The following PLEKHM3 variants were observed in gnomAD, a reference collection of about 807,000 sequenced individuals.
The protein encoded by PLEKHM3 is pleckstrin homology domain containing M3, also known as pleckstrin homology domain-containing family M member 3.
In PLEKHM3, 45 loss-of-function variants were observed where a neutral mutation model predicts 81.8. That is an observed-to-expected ratio of 0.55 (90% CI 0.43 to 0.71). PLEKHM3 has a LOEUF of 0.71. Among genes scored for constraint, PLEKHM3 ranks in the 30% least tolerant of loss-of-function variants. The pLI, the probability that PLEKHM3 is intolerant of heterozygous loss-of-function variation, is 0.00. For synonymous variants in PLEKHM3, 352 were observed against 356.4 expected, an observed-to-expected ratio of 0.99 and a Z score of 0.14; for missense variants, 788 against 924.3, an observed-to-expected ratio of 0.85 and a Z score of 1.91.
chr2:207,965,166 T>TATCTTAAAA (rs1200873756), intron 3 of PLEKHM3, among the ~76,000 whole-genome samples: 4 of 152,186 alleles, frequency 2.6e-5, no homozygotes, highest in Non-Finnish European at 5.9e-5. Context: ...TGCCCAAGTT[T>TATCTTAAAA]ATCTTAAAAC....
At chr2:207,859,664 C>T (rs1333694663) in intron 7 of PLEKHM3, among the ~76,000 whole-genome samples, 2 of 151,544 alleles carry the variant, frequency 1.3e-5, no homozygotes, top group African/African-American at 2.4e-5. Context: ...GTGGCGTAAT[C>T]TCAGCTTACT....
In PLEKHM3 at chr2:207,976,535, T is replaced by C; in HGVS notation, c.1546+116A>G. The C allele has an allele frequency of 9.9e-7, 1 of 1,010,684 alleles. No individual in the cohort carries two copies. Among genetic ancestry groups the C allele is most frequent in the Non-Finnish European group, 1.4e-6 (1 of 704,426 alleles). 62.6% of individuals were successfully genotyped at this position (1,010,684 alleles called of 1,614,324 possible). Reference sequence around the variant, plus strand: ...GTAAGCTTCTCGAGGAGAGATACTTTTTATAAACAGGAGATAGCTGTGACT... The same window carrying C: ...GTAAGCTTCTCGAGGAGAGATACTTCTTATAAACAGGAGATAGCTGTGACT... On this transcript the variant is annotated intron_variant, in intron 3 of 7. Transcript: ENST00000427836. The surrounding 1 kb of genome is among the most constrained non-coding windows in gnomAD (Gnocchi z 4.1).
intron 7 of PLEKHM3, among the ~76,000 whole-genome samples, chr2:207,858,951 C>T (rs2092451595): frequency 6.6e-6 from 1 of 151,998 alleles, no homozygotes; most frequent in Non-Finnish European, 1.5e-5. Flanking sequence ...TGAGTAGTAA[C>T]TCCCTTTCCT....
intron 6 of PLEKHM3, among the ~76,000 whole-genome samples, chr2:207,867,161 C>G (rs1238305427): frequency 6.6e-6 from 1 of 152,190 alleles, no homozygotes; most frequent in African/African-American, 2.4e-5. Context: ...CTTAGGTTGT[C>G]TTGTGTCGCA....
chr2:207,858,231 T>C (rs1200451729), intron 7 of PLEKHM3, among the ~76,000 whole-genome samples: 1 of 149,760 alleles, frequency 6.7e-6, no homozygotes, highest in Non-Finnish European at 1.5e-5. Flanking sequence ...TGGAGTGCAG[T>C]GGTGTGATCT....
intron 7 of PLEKHM3, chr2:207,852,943 A>G: frequency 2.6e-6 from 1 of 386,766 alleles, no homozygotes; most frequent in Non-Finnish European, 4.9e-6. Flanking sequence ...CAACATGCAC[A>G]TCACTTCTGT....
chr2:207,849,259 G>A (rs961549379), intron 7 of PLEKHM3, among the ~76,000 whole-genome samples: 4 of 152,066 alleles, frequency 2.6e-5, no homozygotes, highest in Non-Finnish European at 4.4e-5. Flanking sequence ...GCTTGAACCC[G>A]GGAGGTGGAG....
chr2:207,919,526 A>G (rs1689113019), intron 5 of PLEKHM3, among the ~76,000 whole-genome samples: 2 of 152,178 alleles, frequency 1.3e-5, no homozygotes, highest in South Asian at 4.1e-4. Context: ...CCAGCAGTGA[A>G]AGTGGTGAAA....
rs878875311 is a variant in PLEKHM3 at position 207,863,746 on chromosome 2, T to TA, written c.1951-2485dup. Among the ~76,000 whole-genome samples the TA allele has an allele frequency of 4.6e-5, 7 of 152,036 alleles. No homozygotes were observed. In the South Asian group the frequency reaches 1.5e-3, roughly 32 times the overall value. On this transcript the variant is annotated intron_variant, in intron 6 of 7. Coordinates refer to ENST00000427836, the MANE Select transcript of PLEKHM3 (RefSeq NM_001080475.3). ...CCTCAGAGATGCAGCATGAGGCTCT[T>TA]AAAAAAAACCTGGCCATTCACTGCC... is the stretch of plus-strand genomic sequence containing the variant.
At chr2:207,929,652 T>C (rs1414145671) in intron 5 of PLEKHM3, among the ~76,000 whole-genome samples, 2 of 152,234 alleles carry the variant, frequency 1.3e-5, no homozygotes, top group Non-Finnish European at 2.9e-5. Flanking sequence ...TCCTGACCAC[T>C]TTCTGTGCTT....
chr2:207,921,656 C>G lies in PLEKHM3; in HGVS notation c.1886+9270G>C, dbSNP rs184547049. On this transcript the variant is annotated intron_variant, in intron 5 of 7. Transcript: ENST00000427836. ...TTGTTAACCCAACCTCTCCCTAACC[C>G]TCTCATCCCTCTACCCTTCCCCACC... is the stretch of plus-strand genomic sequence containing the variant. Among the ~76,000 whole-genome samples, 325 of 152,312 alleles carry G rather than the reference C, an allele frequency of 2.1e-3. 2 individuals are homozygous for G. The highest frequency in any genetic ancestry group is 7.3e-3 in the African/African-American group (305 of 41,584).
At position 207,881,098 on chromosome 2, in the gene PLEKHM3, C is replaced by T. The variant is rs1020001371; in HGVS notation, c.1951-19836G>A. 2.0e-5 allele frequency among the ~76,000 whole-genome samples: 3 copies of T among 151,636 alleles called. No homozygotes were observed. The East Asian group carries it at 5.8e-4, about 29-fold the overall frequency. ...AATAGTCAGAAGATAAATGGTTTTGCACAAAGATATACATAATAGTATTAT... is the reference window on the plus strand; with the variant it reads ...AATAGTCAGAAGATAAATGGTTTTGTACAAAGATATACATAATAGTATTAT... On this transcript the variant is annotated intron_variant, in intron 6 of 7. Transcript: ENST00000427836.
In PLEKHM3 at chr2:207,825,044, T is replaced by A. The variant is rs1040638575; in HGVS notation, c.*3275A>T. 2 of 152,142 alleles carry A rather than the reference T, an allele frequency of 1.3e-5. No individual in the cohort carries two copies. The highest frequency in any genetic ancestry group is 4.8e-5 in the African/African-American group (2 of 41,422). 9.4% of individuals were successfully genotyped at this position (152,142 alleles called of 1,614,324 possible). On this transcript the variant is annotated 3_prime_UTR_variant, in exon 8 of 8. Transcript: ENST00000427836. ...CTAATGCACTCCCTAGAAAAGGCAG[T>A]GAAGCAAAGGGGGCTGCTGAGAGTT...
chr2:207,870,241 TGG>T (rs2092525825), intron 6 of PLEKHM3, among the ~76,000 whole-genome samples: 1 of 152,194 alleles, frequency 6.6e-6, no homozygotes, highest in Non-Finnish European at 1.5e-5. Context: ...ACTAGTAACC[TGG>T]GCAAGAAAAA....
chr2:207,960,201 A>G (rs1277946165), intron 3 of PLEKHM3, among the ~76,000 whole-genome samples: 4 of 152,218 alleles, frequency 2.6e-5, no homozygotes, highest in Non-Finnish European at 5.9e-5. Flanking sequence ...GAAATTAGGT[A>G]TCTGACTGCT....
At chr2:208,010,633 A>G (rs889368571) in intron 1 of PLEKHM3, among the ~76,000 whole-genome samples, 17 of 152,242 alleles carry the variant, frequency 1.1e-4, no homozygotes, top group African/African-American at 4.1e-4. Flanking sequence ...AGTAGGTTCC[A>G]TCAGGGCCAA....
chr2:207,926,284 T>C (rs1689391468), intron 5 of PLEKHM3, among the ~76,000 whole-genome samples: 1 of 152,184 alleles, frequency 6.6e-6, no homozygotes, highest in Admixed American at 6.5e-5. Flanking sequence ...TGAAAACTCC[T>C]GATTTTTTTA....
chr2:207,865,627 A>C (rs1340261300), intron 6 of PLEKHM3, among the ~76,000 whole-genome samples: 1 of 150,442 alleles, frequency 6.6e-6, no homozygotes, highest in African/African-American at 2.4e-5. Flanking sequence ...AAAATACAAA[A>C]AAATTAGCCG....
intron 2 of PLEKHM3, among the ~76,000 whole-genome samples, chr2:207,992,870 A>C (rs559244211): frequency 6.6e-6 from 1 of 152,338 alleles, no homozygotes; most frequent in African/African-American, 2.4e-5. Context: ...AAGAGACAGC[A>C]AAGGCCCAGG....
Sources: gnomAD v4.1 joint callset for allele counts (sites outside exome capture counted in the v4.1 genomes callset) on GRCh38, gnomAD v4.1.1 for gene constraint, Gnocchi (gnomAD v3.1) non-coding constraint, MANE v1.5 for transcripts, NCBI Gene and HGNC (gene_info 2026-07-23, HGNC 2026-07-21) for gene names.